Variants in SLC25A48 observed in about 807,000 individuals in gnomAD.
The protein encoded by SLC25A48 is CTC-321K16.1.
A neutral mutation model predicts 32.2 loss-of-function variants in SLC25A48; 29 were observed. The observed-to-expected ratio is 0.90, with a 90% CI of 0.67 to 1.23. The LOEUF is 1.23. Among genes scored for constraint, SLC25A48 ranks in the 50% most tolerant of loss-of-function variants. The pLI, the probability that SLC25A48 is intolerant of heterozygous loss-of-function variation, is 0.00. For missense variants in SLC25A48, 399 were observed against 422.7 expected, an observed-to-expected ratio of 0.94 and a Z score of 0.49; for synonymous variants, 164 against 172.3, an observed-to-expected ratio of 0.95 and a Z score of 0.38.
intron 3 of SLC25A48, among the ~76,000 whole-genome samples, chr5:135,730,939 G>GGGACATAAAA (rs1180095918): frequency 6.6e-6 from 1 of 152,200 alleles, no homozygotes; most frequent in African/African-American, 2.4e-5. Context: ...GACATAAACT[G>GGGACATAAAA]AGATCTTCCG....
At chr5:135,848,253 A>T (rs1759571428) in intron 2 of SLC25A48, among the ~76,000 whole-genome samples, 1 of 152,178 alleles carries the variant, frequency 6.6e-6, no homozygotes, top group Admixed American at 6.5e-5. Flanking sequence ...GCAGGAATTG[A>T]TTACTTGTTG....
intron 3 of SLC25A48, among the ~76,000 whole-genome samples, chr5:135,786,915 A>G (rs140533735): frequency 6.6e-6 from 1 of 152,148 alleles, no homozygotes; most frequent in African/African-American, 2.4e-5. Context: ...ATGTGTGTAC[A>G]TCCTGTGATA....
intron 1 of SLC25A48, among the ~76,000 whole-genome samples, chr5:135,614,779 A>C (rs760392548): frequency 2.0e-5 from 3 of 152,170 alleles, no homozygotes; most frequent in Non-Finnish European, 4.4e-5. Flanking sequence ...CCCTTGCCCA[A>C]ATCTCATGTC....
chr5:135,820,959 T>C (rs1757868515), intron 4 of SLC25A48, among the ~76,000 whole-genome samples: 1 of 152,160 alleles, frequency 6.6e-6, no homozygotes, highest in Non-Finnish European at 1.5e-5. Flanking sequence ...CCTGGGGAAG[T>C]GTGAGGTCCT....
rs1752513099 is a variant in SLC25A48 at position 135,629,691 on chromosome 5, G to C, written c.-709+315G>C. On this transcript the variant is annotated intron_variant, in intron 2 of 10. Transcript: ENST00000646290. The surrounding 1 kb of genome is among the most constrained non-coding windows in gnomAD (Gnocchi z 4.8). ...TGGAAGACGGTGTGAAATGTGATCA[G>C]TTATCACAACCAAGGAGCGAGGGAG... Among the ~76,000 whole-genome samples the C allele has an allele frequency of 6.6e-6, 1 of 152,218 alleles. No homozygotes were observed. The highest frequency in any genetic ancestry group is 1.5e-5 in the Non-Finnish European group (1 of 68,038).
intron 2 of SLC25A48, among the ~76,000 whole-genome samples, chr5:135,630,645 A>G (rs1466146107): frequency 8.8e-6 from 1 of 113,140 alleles, no homozygotes; most frequent in Non-Finnish European, 1.6e-5. Flanking sequence ...TCTGTCTCCC[A>G]GGCTGGAGTG....
intron 3 of SLC25A48, among the ~76,000 whole-genome samples, chr5:135,716,082 T>C (rs551016092): frequency 6.6e-6 from 1 of 152,300 alleles, no homozygotes; most frequent in South Asian, 2.1e-4. Flanking sequence ...CTTGGACCCC[T>C]TGTCACCTGG....
chr5:135,766,972 A>G (rs7381188), intron 3 of SLC25A48, among the ~76,000 whole-genome samples: 46,736 of 151,526 alleles, frequency 0.31, 7,393 homozygotes, highest in East Asian at 0.46. Context: ...CACGGGAAGT[A>G]TGATATGGTT....
intron 2 of SLC25A48, among the ~76,000 whole-genome samples, chr5:135,847,001 C>G (rs758390799): frequency 6.6e-6 from 1 of 152,036 alleles, no homozygotes; most frequent in Admixed American, 6.6e-5. Context: ...TTTGCAAAAG[C>G]GAAAGAGTCC....
chr5:135,846,774 G>C (rs1478826424), intron 2 of SLC25A48, among the ~76,000 whole-genome samples: 1 of 152,160 alleles, frequency 6.6e-6, no homozygotes, highest in Non-Finnish European at 1.5e-5. Flanking sequence ...ACCAAAGAAA[G>C]TGTCAGAGAC....
At chr5:135,792,122 A>G (rs1200858564) in intron 3 of SLC25A48, among the ~76,000 whole-genome samples, 2 of 151,730 alleles carry the variant, frequency 1.3e-5, no homozygotes, top group Admixed American at 6.6e-5. Context: ...ACACCCTGTA[A>G]TATTATTCAT....
At chr5:135,863,389 G>A (rs1405233346) in intron 4 of SLC25A48, among the ~76,000 whole-genome samples, 1 of 152,154 alleles carries the variant, frequency 6.6e-6, no homozygotes, top group Non-Finnish European at 1.5e-5. Context: ...AAGCATCAGG[G>A]CTGCAGGTAG....
At chr5:135,826,947 C>G (rs1758075254) in intron 4 of SLC25A48, 1 of 152,476 alleles carries the variant, frequency 6.6e-6, no homozygotes, top group African/African-American at 2.4e-5. Context: ...TTCCCCTGCC[C>G]CTGCCCTTGG....
At chr5:135,792,084 T>A (rs949122611) in intron 3 of SLC25A48, among the ~76,000 whole-genome samples, 5 of 151,810 alleles carry the variant, frequency 3.3e-5, no homozygotes, top group African/African-American at 1.2e-4. Context: ...ACTCCTAATG[T>A]CACAGTGGGT....
intron 1 of SLC25A48, among the ~76,000 whole-genome samples, chr5:135,625,248 A>C (rs1752418166): frequency 6.6e-6 from 1 of 152,148 alleles, no homozygotes; most frequent in Admixed American, 6.5e-5. Context: ...GCAGGAGGAC[A>C]AAAGGCATGG....
chr5:135,672,906 A>G (rs1204852554), intron 3 of SLC25A48, among the ~76,000 whole-genome samples: 1 of 152,092 alleles, frequency 6.6e-6, no homozygotes, highest in Non-Finnish European at 1.5e-5. Flanking sequence ...TCCACCCCCA[A>G]GCATACAGTG....
At chr5:135,713,445 A>T (rs943741349) in intron 3 of SLC25A48, among the ~76,000 whole-genome samples, 5 of 152,198 alleles carry the variant, frequency 3.3e-5, no homozygotes, top group Non-Finnish European at 5.9e-5. Flanking sequence ...AGCAGCCCTG[A>T]TGAGGCTTGT....
chr5:135,675,837 G>A (rs920290279), intron 3 of SLC25A48, among the ~76,000 whole-genome samples: 1 of 152,038 alleles, frequency 6.6e-6, no homozygotes, highest in Non-Finnish European at 1.5e-5. Context: ...CCATGAGCAT[G>A]GAATGTGTTT....
intron 2 of SLC25A48, among the ~76,000 whole-genome samples, chr5:135,632,138 G>A (rs1752590199): frequency 6.6e-6 from 1 of 152,250 alleles, no homozygotes; most frequent in Non-Finnish European, 1.5e-5. Context: ...GATCCATGGT[G>A]ACATCATGAG....
Sources: allele counts gnomAD v4.1 joint callset (sites outside exome capture counted in the v4.1 genomes callset), GRCh38; gene constraint gnomAD v4.1.1; non-coding constraint Gnocchi (gnomAD v3.1); transcripts MANE v1.5; gene names NCBI Gene and HGNC (gene_info 2026-07-23, HGNC 2026-07-21).